Variants in ONECUT2 observed in about 807,000 individuals in gnomAD.
The protein encoded by ONECUT2 is one cut domain family member 2.
A neutral mutation model predicts 27.9 loss-of-function variants in ONECUT2; 10 were observed. The ratio of observed to expected loss-of-function variants is 0.36; its 90% confidence interval spans 0.22 to 0.61. ONECUT2 has a LOEUF of 0.61. Ranked by LOEUF, ONECUT2 falls within the 20% of genes least tolerant of loss-of-function variation. The pLI is 0.73. For synonymous variants in ONECUT2, 334 were observed against 315.1 expected (o/e 1.06, Z -0.64); for missense variants, 686 against 721.0 (o/e 0.95, Z 0.56).
At chr18:57,467,322 A>G in intron 1 of ONECUT2, 1 of 374,596 alleles carries the variant, frequency 2.7e-6, no homozygotes, top group South Asian at 1.9e-5. Flanking sequence ...GAGATTTGCC[A>G]TTGATCATCC....
At chr18:57,468,095 A>G (rs1251453291) in intron 1 of ONECUT2, among the ~76,000 whole-genome samples, 1 of 152,136 alleles carries the variant, frequency 6.6e-6, no homozygotes, top group East Asian at 1.9e-4. Flanking sequence ...ATACATCCAC[A>G]ATTAGAAGGG....
In ONECUT2 at chr18:57,476,780, A is replaced by G; in HGVS notation, c.*57A>G. On this transcript the variant is annotated 3_prime_UTR_variant, in exon 2 of 2. Coordinates refer to ENST00000491143, the MANE Select transcript of ONECUT2 (RefSeq NM_004852.3). ...TCCAAATGAGGACAACAGATACCAA[A>G]AGAAAACAAAGGAAAAAGACACCGG... The G allele has an allele frequency of 3.2e-6, 5 of 1,543,180 alleles. No homozygotes were observed. Among genetic ancestry groups the G allele is most frequent in the Non-Finnish European group, 3.5e-6 (4 of 1,148,350 alleles).
In ONECUT2 at chr18:57,435,881, G is replaced by T. The variant is rs1203022311; in HGVS notation, c.165G>T (p.Pro55=). The T allele has an allele frequency of 9.4e-7, 1 of 1,068,526 alleles. No individual in the cohort carries two copies. Among genetic ancestry groups the T allele is most frequent in the Non-Finnish European group, 1.1e-6 (1 of 886,236 alleles). 66.2% of individuals were successfully genotyped at this position (1,068,526 alleles called of 1,614,324 possible). ...GCGGCGGGGGCGGCGGCGGGGGCCC[G>T]GGCCATGAGCAGGAGCTGCTGGCCA... ...GGGGGGGGGG[P]GHEQELLASP... is the part of the protein sequence containing the mutation. Residue 55 remains proline, a synonymous_variant, in exon 1 of 2, where the codon CCG becomes CCT. Coordinates refer to ENST00000491143, the MANE Select transcript of ONECUT2 (RefSeq NM_004852.3).
At chr18:57,468,880 T>A (rs976302170) in intron 1 of ONECUT2, among the ~76,000 whole-genome samples, 2 of 152,192 alleles carry the variant, frequency 1.3e-5, no homozygotes, top group Non-Finnish European at 2.9e-5. Context: ...CTTTAAAGGC[T>A]CTTGATCATG....
intron 1 of ONECUT2, among the ~76,000 whole-genome samples, chr18:57,437,536 A>G (rs1598927743): frequency 6.6e-6 from 1 of 152,122 alleles, no homozygotes; most frequent in Non-Finnish European, 1.5e-5. Context: ...CCCGCGGGGA[A>G]CCGGCGGCCA....
chr18:57,474,110 T>C (rs999906967), intron 1 of ONECUT2, among the ~76,000 whole-genome samples: 2 of 152,192 alleles, frequency 1.3e-5, no homozygotes, highest in Non-Finnish European at 2.9e-5. Flanking sequence ...ATGAATACTT[T>C]TAGAAATGAG....
Position 57,479,380 on chromosome 18 carries a change from T to G in ONECUT2, c.*2657T>G, listed in dbSNP as rs755423773. The stretch of plus-strand genomic sequence containing the variant: ...AATACATATATAGATCAACTTGACA[T>G]TGGTGATAACCAAAATTATTGCTGT... On this transcript the variant is annotated 3_prime_UTR_variant, in exon 2 of 2. Coordinates refer to ENST00000491143, the MANE Select transcript of ONECUT2 (RefSeq NM_004852.3). 1 of 152,610 alleles carries G rather than the reference T, an allele frequency of 6.6e-6. No individual in the cohort carries two copies. The highest frequency in any genetic ancestry group is 6.5e-5 in the Admixed American group (1 of 15,286). The allele number at this position is 152,610 out of a possible 1,614,324, so 9.5% of individuals were successfully genotyped here.
At chr18:57,464,775 T>A (rs998938688) in intron 1 of ONECUT2, among the ~76,000 whole-genome samples, 5 of 152,248 alleles carry the variant, frequency 3.3e-5, no homozygotes, top group African/African-American at 1.2e-4. Flanking sequence ...TAAAACTTTT[T>A]AGGATGTTTG....
chr18:57,475,246 C>T (rs1480917963), intron 1 of ONECUT2, among the ~76,000 whole-genome samples: 1 of 151,802 alleles, frequency 6.6e-6, no homozygotes, highest in African/African-American at 2.4e-5. Context: ...TTAGTAAAGA[C>T]AGGGTTTCAC....
At position 57,435,792 on chromosome 18, in the gene ONECUT2, A is replaced by G; in HGVS notation, c.76A>G (p.Met26Val). 1 of 1,253,188 alleles carries G rather than the reference A, an allele frequency of 8.0e-7. No individual in the cohort carries two copies. The highest frequency in any genetic ancestry group is 1.4e-5 in the South Asian group (1 of 73,426). The allele number at this position is 1,253,188 out of a possible 1,614,324, so 77.6% of individuals were successfully genotyped here. A position where few individuals can be genotyped will look rare whatever the true frequency, so the allele number is the denominator to read the frequency against. ...CTGCGCCATGAACCCGGAGCTGACA[A>G]TGGAAAGTCTGGGCACTTTGCACGG... ...EGCAMNPELT[M>V]ESLGTLHGPA... The change falls in exon 1 of 2, where the codon ATG becomes GTG. Residue 26 changes from methionine to valine, a missense_variant. By Grantham distance (21) the Met-to-Val change is conservative. Coordinates refer to ENST00000491143, the MANE Select transcript of ONECUT2 (RefSeq NM_004852.3).
At chr18:57,458,895 C>CT (rs912352707) in intron 1 of ONECUT2, among the ~76,000 whole-genome samples, 21 of 151,954 alleles carry the variant, frequency 1.4e-4, no homozygotes, top group African/African-American at 4.4e-4. Flanking sequence ...AGCCATTTTA[C>CT]TTTTTTTTGC....
At chr18:57,456,745 C>T (rs144600574) in intron 1 of ONECUT2, among the ~76,000 whole-genome samples, 2 of 152,140 alleles carry the variant, frequency 1.3e-5, no homozygotes, top group African/African-American at 2.4e-5. Context: ...TATATTTTAC[C>T]ATAATTTCAA....
At position 57,476,539 on chromosome 18, in the gene ONECUT2, T is replaced by A; in HGVS notation, c.1331T>A (p.Ile444Asn). 1 of 1,614,216 alleles carries A rather than the reference T, an allele frequency of 6.2e-7. No individual in the cohort carries two copies. The highest frequency in any genetic ancestry group is 8.5e-7 in the Non-Finnish European group (1 of 1,180,036). ...CTCCAACGCCGAACACTCTTCGCCA[T>A]CTTCAAGGAGAACAAACGCCCGTCA... Reference protein sequence around the residue: ...TDLQRRTLFAIFKENKRPSKE... With the variant: ...TDLQRRTLFANFKENKRPSKE... Residue 444 changes from isoleucine to asparagine, a missense_variant, in exon 2 of 2, where the codon ATC becomes AAC. Transcript: ENST00000491143.
Position 57,435,568 on chromosome 18 carries a change from G to C in ONECUT2, c.-149G>C. 7.2e-5 allele frequency: 13 copies of C among 179,412 alleles called. No homozygotes were observed. The highest frequency in any genetic ancestry group is 1.1e-4 in the Non-Finnish European group (12 of 113,464). The allele number at this position is 179,412 out of a possible 1,614,324, so 11.1% of individuals were successfully genotyped here. Reference sequence around the variant, plus strand: ...GCCCCCACCCCGGGCGAGCCCGCCCGCAGCCCGGGGCGCACACCCGCACGC... The same window carrying C: ...GCCCCCACCCCGGGCGAGCCCGCCCCCAGCCCGGGGCGCACACCCGCACGC... On this transcript the variant is annotated 5_prime_UTR_variant, in exon 1 of 2. Transcript: ENST00000491143.
Position 57,469,673 on chromosome 18 carries a change from C to T in ONECUT2, c.1229-6764C>T, listed in dbSNP as rs114336243. On this transcript the variant is annotated intron_variant, in intron 1 of 1. Coordinates refer to ENST00000491143, the MANE Select transcript of ONECUT2 (RefSeq NM_004852.3). ...TAACCTTTTATTTGCCATTAGCCCT[C>T]TGGGCAGTTCATCTACTATCGAGTA... Among the ~76,000 whole-genome samples the T allele has an allele frequency of 5.3e-3, 809 of 152,358 alleles. 7 individuals carry two copies. The highest frequency in any genetic ancestry group is 0.017 in the African/African-American group (722 of 41,592).
chr18:57,476,707 C>A lies in ONECUT2; in HGVS notation c.1499C>A (p.Thr500Lys), dbSNP rs750432712. 2 of 1,613,976 alleles carry A rather than the reference C, an allele frequency of 1.2e-6. No individual in the cohort carries two copies. The highest frequency in any genetic ancestry group is 2.7e-5 in the African/African-American group (2 of 75,012). Residue 500 changes from threonine (T) to lysine (K), a missense_variant, in exon 2 of 2, where the codon ACG becomes AAG. Physicochemically the swap from Thr to Lys is moderately conservative, Grantham distance 78. Coordinates refer to ENST00000491143, the MANE Select transcript of ONECUT2 (RefSeq NM_004852.3). ...GGGGGCTCCTCGTCCACCTCCAGCA[C>A]GTGTACCAAAGCATGATGGAAGGAC... ...STGGSSSTSSTCTKA is the reference protein window; with the variant it reads ...STGGSSSTSSKCTKA
intron 1 of ONECUT2, among the ~76,000 whole-genome samples, chr18:57,472,168 G>C (rs995822649): frequency 6.6e-6 from 1 of 152,166 alleles, no homozygotes; most frequent in East Asian, 1.9e-4. Context: ...GGTTTCTATC[G>C]CATCCTTGGG....
rs1280410243 is a variant in ONECUT2, at chr18:57,481,343, C to G, written c.*4620C>G. 2 of 152,292 alleles carry G rather than the reference C, an allele frequency of 1.3e-5. No homozygotes were observed. Among genetic ancestry groups the G allele is most frequent in the Admixed American group, 6.5e-5 (1 of 15,296 alleles). The allele number at this position is 152,292 out of a possible 1,614,324, so 9.4% of individuals were successfully genotyped here. A position where few individuals can be genotyped will look rare whatever the true frequency, so the allele number is the denominator to read the frequency against. Reference sequence around the variant, plus strand: ...AGTTGCTTCTAAGCTCCCTTTTCCCCCTGCAGGCTCTTGGCAATTGTAGGC... The same window carrying G: ...AGTTGCTTCTAAGCTCCCTTTTCCCGCTGCAGGCTCTTGGCAATTGTAGGC... On this transcript the variant is annotated 3_prime_UTR_variant, in exon 2 of 2. Coordinates refer to ENST00000491143, the MANE Select transcript of ONECUT2 (RefSeq NM_004852.3).
Position 57,476,576 on chromosome 18 carries a change from G to A in ONECUT2, c.1368G>A (p.Gln456=), listed in dbSNP as rs777198858. ...ACAAACGCCCGTCAAAGGAGATGCAGATCACCATTTCCCAGCAGCTGGGCC... is the reference window on the plus strand; with the variant it reads ...ACAAACGCCCGTCAAAGGAGATGCAAATCACCATTTCCCAGCAGCTGGGCC... ...KENKRPSKEM[Q]ITISQQLGLE... The change falls in exon 2 of 2, where the codon CAG becomes CAA. Residue 456 remains glutamine (Q), a synonymous_variant. Transcript: ENST00000491143. 6.2e-7 allele frequency: 1 copy of A among 1,614,212 alleles called. No homozygotes were observed. The highest frequency in any genetic ancestry group is 8.5e-7 in the Non-Finnish European group (1 of 1,180,044).
Sources: allele counts gnomAD v4.1 joint callset (sites outside exome capture counted in the v4.1 genomes callset), GRCh38; gene constraint gnomAD v4.1.1; transcripts MANE v1.5; gene names NCBI Gene and HGNC (gene_info 2026-07-23, HGNC 2026-07-21).